RUFY1: variants seen among roughly 807,000 people sequenced by gnomAD.
RUFY1 encodes RUN and FYVE domain containing 1.
In RUFY1, 54 loss-of-function variants were observed where a neutral mutation model predicts 94.6. That is an observed-to-expected ratio of 0.57 (90% CI 0.46 to 0.72). RUFY1 has a LOEUF of 0.72. Among genes scored for constraint, RUFY1 ranks in the 30% least tolerant of loss-of-function variants. RUFY1 has a pLI of 0.00. For synonymous variants in RUFY1, 396 were observed against 347.3 expected, an observed-to-expected ratio of 1.14 and a Z score of -1.56; for missense variants, 883 against 883.9, an observed-to-expected ratio of 1.00 and a Z score of 0.01.
At chr5:179,586,057 G>A (rs555885193) in intron 8 of RUFY1, among the ~76,000 whole-genome samples, 192 bp downstream of exon 8, 34 of 152,276 alleles carry the variant, frequency 2.2e-4, no homozygotes, top group African/African-American at 7.7e-4. Context: ...ACACTGCAGC[G>A]GATCACGAGC....
rs1234307183 is a variant in RUFY1, at chr5:179,608,892, C to T, written c.1984-484C>T. Among the ~76,000 whole-genome samples the T allele has an allele frequency of 1.2e-4, 18 of 147,094 alleles. No homozygotes were observed. The South Asian group carries it at 2.8e-3, about 23-fold the overall frequency. On this transcript the variant is annotated intron_variant, in intron 17 of 17. Transcript: ENST00000319449. ...GTTGCAGTGAGCCGAGATTGCGCCACTGCACCCCAGCCTGGGCGACAGAGA... is the reference window on the plus strand; with the variant it reads ...GTTGCAGTGAGCCGAGATTGCGCCATTGCACCCCAGCCTGGGCGACAGAGA...
At chr5:179,592,307 A>G (rs1179695238) in intron 10 of RUFY1, among the ~76,000 whole-genome samples, 3 of 152,094 alleles carry the variant, frequency 2.0e-5, no homozygotes, top group Non-Finnish European at 4.4e-5. Context: ...TTTAGTAGAG[A>G]TGGGGTTTCA....
chr5:179,580,388 G>A (rs1270586071), intron 6 of RUFY1, among the ~76,000 whole-genome samples: 9 of 151,550 alleles, frequency 5.9e-5, no homozygotes, highest in Middle Eastern at 3.4e-3. Context: ...GACTACAGGC[G>A]CCCGCCACCA....
intron 1 of RUFY1, among the ~76,000 whole-genome samples, chr5:179,558,680 C>G (rs1762231928): frequency 6.6e-6 from 1 of 152,130 alleles, no homozygotes; most frequent in African/African-American, 2.4e-5. Context: ...TCTTGCCCAG[C>G]AGCTCTCCCC....
intron 1 of RUFY1, among the ~76,000 whole-genome samples, chr5:179,554,805 TA>T (rs1762028194): frequency 1.3e-5 from 2 of 151,578 alleles, no homozygotes; most frequent in Admixed American, 1.3e-4. Flanking sequence ...CCGTCTCCAC[TA>T]AAAGTACAAA....
At chr5:179,602,086 G>A (rs1037891019) in intron 15 of RUFY1, 100 bp downstream of exon 15, 14 of 923,904 alleles carry the variant, frequency 1.5e-5, no homozygotes, top group Middle Eastern at 6.6e-4. Flanking sequence ...AACGGAGGGT[G>A]GGCCATTTAG....
chr5:179,577,158 A>ACTTTT, intron 6 of RUFY1, 22 bp downstream of exon 6: 1 of 392,410 alleles, frequency 2.5e-6, no homozygotes, highest in South Asian at 4.0e-5. Context: ...GTTGTATGTC[A>ACTTTT]CTTTTTTTTT....
intron 16 of RUFY1, 72 bp from the exon 17 acceptor site, chr5:179,607,510 G>T (rs1207555011): frequency 7.8e-6 from 10 of 1,277,746 alleles, no homozygotes; most frequent in African/African-American, 1.5e-5. Context: ...AATGGATGTG[G>T]CCAGAACGCA....
intron 6 of RUFY1, 22 bp downstream of exon 6, chr5:179,577,158 A>AT: frequency 5.1e-6 from 2 of 392,396 alleles, no homozygotes; most frequent in Non-Finnish European, 4.1e-6. Context: ...GTTGTATGTC[A>AT]CTTTTTTTTT....
chr5:179,597,687 A>G (rs1765809808), intron 13 of RUFY1, among the ~76,000 whole-genome samples: 1 of 152,022 alleles, frequency 6.6e-6, no homozygotes, highest in Admixed American at 6.6e-5. Context: ...ATTTTTTGAG[A>G]TAATATATAT....
chr5:179,577,464 C>G (rs923739881), intron 6 of RUFY1, among the ~76,000 whole-genome samples: 1 of 151,476 alleles, frequency 6.6e-6, no homozygotes, highest in Non-Finnish European at 1.5e-5. Context: ...CGCGCCCAGC[C>G]ACGTCACATT....
intron 10 of RUFY1, 45 bp from the exon 11 acceptor site, chr5:179,593,433 T>C: frequency 6.4e-7 from 1 of 1,566,952 alleles, no homozygotes; most frequent in East Asian, 2.3e-5. Context: ...AATACATTTC[T>C]GTGATCTATT....
intron 1 of RUFY1, among the ~76,000 whole-genome samples, chr5:179,553,594 G>A (rs1761963853): frequency 6.6e-6 from 1 of 151,636 alleles, no homozygotes. Context: ...GACCAACCTG[G>A]CCAACATGGT....
chr5:179,589,261 T>C (rs1048812567), intron 8 of RUFY1: 1 of 365,228 alleles, frequency 2.7e-6, no homozygotes, highest in Non-Finnish European at 5.1e-6. Context: ...TTTGTGTCTA[T>C]AAATCTTTGT....
intron 15 of RUFY1, chr5:179,602,216 T>G: frequency 1.9e-6 from 1 of 535,486 alleles, no homozygotes. Context: ...AGGAAGCACG[T>G]TCATTCCTAG....
Position 179,567,432 on chromosome 5 carries a change from C to T in RUFY1, c.603-29C>T, listed in dbSNP as rs201394980. 16 of 1,540,456 alleles carry T rather than the reference C, an allele frequency of 1.0e-5. No individual in the cohort carries two copies. In the African/African-American group the frequency reaches 1.5e-4, roughly 14 times the overall value. On this transcript the variant is annotated intron_variant, in intron 3 of 17. Coordinates refer to ENST00000319449, the MANE Select transcript of RUFY1 (RefSeq NM_025158.5). ...TTCTGTGTTTGTTGTTGTTATGCCA[C>T]AATAGTTGATTCTCTGTTTGAATTC...
chr5:179,586,578 A>T (rs1764620895), intron 8 of RUFY1: 3 of 382,734 alleles, frequency 7.8e-6, no homozygotes, highest in African/African-American at 6.3e-5. Context: ...GTTACAGCAG[A>T]GAAGAGAGCC....
At chr5:179,588,893 G>T (rs1033146943) in intron 8 of RUFY1, among the ~76,000 whole-genome samples, 2 of 151,934 alleles carry the variant, frequency 1.3e-5, no homozygotes, top group African/African-American at 4.8e-5. Context: ...ATCACTCCTG[G>T]CTGATTTTTG....
rs530967068 is a variant in RUFY1 at position 179,591,285 on chromosome 5, C to T, written c.1129-340C>T. Among the ~76,000 whole-genome samples the T allele has an allele frequency of 3.3e-5, 5 of 151,044 alleles. No homozygotes were observed. The East Asian group carries it at 5.9e-4, about 18-fold the overall frequency. ...CTGCAAGCTCTGCCTCCCGGGTTCA[C>T]GCCATTCTCCTGCCTCAGCCTCCCA... On this transcript the variant is annotated intron_variant, in intron 9 of 17. Transcript: ENST00000319449.
Sources: gnomAD v4.1 joint callset for allele counts (sites outside exome capture counted in the v4.1 genomes callset) on GRCh38, gnomAD v4.1.1 for gene constraint, MANE v1.5 for transcripts, NCBI Gene and HGNC (gene_info 2026-07-23, HGNC 2026-07-21) for gene names.